KANK1: variants seen among roughly 807,000 people sequenced by gnomAD.
The protein encoded by KANK1 is KN motif and ankyrin repeat domain-containing protein 1.
KANK1 carries 109 observed loss-of-function variants against 106.2 expected under a neutral mutation model. The observed-to-expected ratio is 1.03, with a 90% confidence interval of 0.88 to 1.20. KANK1 has a LOEUF of 1.20. KANK1 is among the 50% of genes most tolerant of loss of function. The probability of loss-of-function intolerance (pLI) is 0.00; values close to 1 mark genes in which losing one functional copy is unlikely to be tolerated. For synonymous variants in KANK1, 873 were observed against 652.2 expected (o/e 1.34, Z -5.16); for missense variants, 2,399 against 1,710.7 (o/e 1.40, Z -7.10).
At chr9:563,610 A>G (rs1360912489) in intron 1 of KANK1, among the ~76,000 whole-genome samples, 1 of 152,214 alleles carries the variant, frequency 6.6e-6, no homozygotes, top group Non-Finnish European at 1.5e-5. Context: ...ATATTTTCAA[A>G]TAGGCAGTAG....
chr9:562,792 TTCA>T (rs1816834346), intron 1 of KANK1, among the ~76,000 whole-genome samples: 1 of 152,226 alleles, frequency 6.6e-6, no homozygotes, highest in Admixed American at 6.5e-5. Context: ...GCTAGTGAAC[TTCA>T]TCACGGCAGA....
At chr9:637,066 A>C (rs887024967) in intron 1 of KANK1, among the ~76,000 whole-genome samples, 1 of 151,956 alleles carries the variant, frequency 6.6e-6, no homozygotes, top group Non-Finnish European at 1.5e-5. Flanking sequence ...CCTTCTCTCC[A>C]TTTTTTGACA....
At chr9:573,371 G>A (rs900461739) in intron 1 of KANK1, among the ~76,000 whole-genome samples, 7 of 152,080 alleles carry the variant, frequency 4.6e-5, no homozygotes, top group Non-Finnish European at 8.8e-5. Context: ...CTGGGTTCAC[G>A]CCATTCTCTT....
intron 1 of KANK1, among the ~76,000 whole-genome samples, chr9:572,581 G>C (rs1301646054): frequency 1.3e-5 from 2 of 151,980 alleles, no homozygotes; most frequent in African/African-American, 4.8e-5. Flanking sequence ...TGTAGAGACA[G>C]GGTCTCGATA....
chr9:515,122 T>C (rs2133001609), intron 1 of KANK1, among the ~76,000 whole-genome samples: 2 of 151,638 alleles, frequency 1.3e-5, no homozygotes, highest in African/African-American at 4.9e-5. Flanking sequence ...GGCGGGTGGA[T>C]CATGAGGTCA....
chr9:543,614 G>A (rs971154781), intron 1 of KANK1, among the ~76,000 whole-genome samples: 2 of 151,218 alleles, frequency 1.3e-5, no homozygotes, highest in African/African-American at 4.9e-5. Context: ...ACACACTACT[G>A]CGTGTTTGTC....
chr9:529,220 A>AATAT (rs57171198), intron 1 of KANK1, among the ~76,000 whole-genome samples: 30 of 144,266 alleles, frequency 2.1e-4, no homozygotes, highest in African/African-American at 6.7e-4. Flanking sequence ...TAACTCTGTT[A>AATAT]ATATATATAT....
intron 4 of KANK1, chr9:730,883 A>C (rs1322675680): frequency 3.8e-6 from 1 of 263,918 alleles, no homozygotes; most frequent in Non-Finnish European, 7.2e-6. Flanking sequence ...TCACTTTATA[A>C]GCAGTAAAGC....
At chr9:475,967 C>T (rs542299288) in intron 3 of KANK1, among the ~76,000 whole-genome samples, 18 of 152,034 alleles carry the variant, frequency 1.2e-4, no homozygotes, top group African/African-American at 4.3e-4. Context: ...ATTCTCCTAC[C>T]TCAGCCTCCC....
intron 1 of KANK1, among the ~76,000 whole-genome samples, chr9:511,933 C>G (rs183584119): frequency 6.6e-6 from 1 of 152,210 alleles, no homozygotes; most frequent in African/African-American, 2.4e-5. Flanking sequence ...CTGGGTGATT[C>G]TGCTGCTTTC....
upstream of KANK1, among the ~76,000 whole-genome samples, chr9:503,631 G>A (rs1381035872): frequency 1.3e-5 from 2 of 152,178 alleles, no homozygotes; most frequent in African/African-American, 4.8e-5. Flanking sequence ...TTGGGGGTGA[G>A]GGGAGGACTC....
At chr9:583,632 A>G (rs1055786153) in intron 1 of KANK1, among the ~76,000 whole-genome samples, 1 of 151,586 alleles carries the variant, frequency 6.6e-6, no homozygotes, top group African/African-American at 2.4e-5. Flanking sequence ...AAAAGTTTCA[A>G]TAAATATACT....
chr9:498,156 G>T (rs56061260), intron 3 of KANK1, among the ~76,000 whole-genome samples: 3,039 of 152,246 alleles, frequency 0.02, 106 homozygotes, highest in African/African-American at 0.069. Flanking sequence ...AGGTATTACT[G>T]CCATTTTACA....
intron 1 of KANK1, among the ~76,000 whole-genome samples, chr9:602,947 G>A (rs79217760): frequency 0.015 from 2,231 of 151,876 alleles, 26 homozygotes; most frequent in Non-Finnish European, 0.024. Context: ...CACATTCCAC[G>A]TGTGGCTGAT....
At chr9:518,228 T>C (rs2059380124) in intron 1 of KANK1, among the ~76,000 whole-genome samples, 1 of 151,870 alleles carries the variant, frequency 6.6e-6, no homozygotes, top group Non-Finnish European at 1.5e-5. Context: ...GTTGTAAACC[T>C]CTGACCTCAC....
chr9:653,695 C>A (rs183268223), intron 1 of KANK1, among the ~76,000 whole-genome samples: 1 of 152,196 alleles, frequency 6.6e-6, no homozygotes, highest in East Asian at 1.9e-4. Flanking sequence ...TCAAGCAGTT[C>A]TTTTGCATTT....
At chr9:616,149 A>G (rs1831775384) in intron 1 of KANK1, among the ~76,000 whole-genome samples, 1 of 152,158 alleles carries the variant, frequency 6.6e-6, no homozygotes, top group Non-Finnish European at 1.5e-5. Flanking sequence ...AATCAACAAG[A>G]TGAAATTTTC....
intron 3 of KANK1, among the ~76,000 whole-genome samples, chr9:482,679 A>G (rs749851862): frequency 6.6e-6 from 1 of 152,204 alleles, no homozygotes; most frequent in Non-Finnish European, 1.5e-5. Flanking sequence ...GGATGTGTAA[A>G]TGCACCCTCA....
upstream of KANK1, among the ~76,000 whole-genome samples, chr9:500,249 C>G (rs1370111357): frequency 6.6e-6 from 1 of 152,170 alleles, no homozygotes; most frequent in Non-Finnish European, 1.5e-5. Context: ...TGTCAAACAT[C>G]TCTCATGAAG....
Sources: allele counts gnomAD v4.1 joint callset (sites outside exome capture counted in the v4.1 genomes callset), GRCh38; gene constraint gnomAD v4.1.1; transcripts MANE v1.5; gene names NCBI Gene and HGNC (gene_info 2026-07-23, HGNC 2026-07-21).